LRRC8D: variants seen among roughly 807,000 people sequenced by gnomAD.
The protein encoded by LRRC8D is leucine rich repeat containing 8 VRAC subunit D.
A neutral mutation model predicts 55.8 loss-of-function variants in LRRC8D; 20 were observed. The ratio of observed to expected loss-of-function variants is 0.36; its 90% confidence interval spans 0.25 to 0.52. The LOEUF is 0.52. Among genes scored for constraint, LRRC8D ranks in the 20% least tolerant of loss-of-function variants. The probability of loss-of-function intolerance (pLI) is 0.93; values close to 1 mark genes in which losing one functional copy is unlikely to be tolerated. For synonymous variants in LRRC8D, 352 were observed against 377.0 expected, an observed-to-expected ratio of 0.93 and a Z score of 0.77; for missense variants, 651 against 1,030.8, an observed-to-expected ratio of 0.63 and a Z score of 5.05.
rs1280505903 is a variant in LRRC8D, at chr1:89,827,648, A to T, written c.-148+6357A>T. On this transcript the variant is annotated intron_variant, in intron 1 of 2. Coordinates refer to ENST00000337338, the MANE Select transcript of LRRC8D (RefSeq NM_001134479.2). ...CCTATGAAACCACAAGGATAGGGCC[A>T]TAGGCAGCCTTGATAGTTCACTTTA... is the stretch of plus-strand genomic sequence containing the variant. 2.0e-5 allele frequency among the ~76,000 whole-genome samples: 3 copies of T among 152,250 alleles called. No homozygotes were observed. The East Asian group carries it at 5.8e-4, about 29-fold the overall frequency.
intron 2 of LRRC8D, among the ~76,000 whole-genome samples, chr1:89,906,218 A>G (rs1662987658): frequency 1.3e-5 from 2 of 152,182 alleles, no homozygotes; most frequent in Admixed American, 1.3e-4. Flanking sequence ...GAGCGGAACA[A>G]TTCCTCTTTA....
intron 2 of LRRC8D, among the ~76,000 whole-genome samples, chr1:89,906,038 G>A (rs928232633): frequency 6.6e-6 from 1 of 152,160 alleles, no homozygotes; most frequent in African/African-American, 2.4e-5. Flanking sequence ...GTCCTTCTTC[G>A]CAGCTTTAGC....
intron 2 of LRRC8D, among the ~76,000 whole-genome samples, chr1:89,848,598 A>G (rs1195870495): frequency 1.3e-5 from 2 of 152,144 alleles, no homozygotes; most frequent in African/African-American, 2.4e-5. Context: ...CTTCCTATCT[A>G]TTGAACACCA....
chr1:89,932,950 A>T (rs1158651171), intron 2 of LRRC8D, 117 bp from the exon 3 acceptor site: 5 of 786,912 alleles, frequency 6.4e-6, no homozygotes, highest in Non-Finnish European at 1.0e-5. Flanking sequence ...TTTATATTGG[A>T]TAAAAAGATA....
chr1:89,859,268 T>G (rs1310145256), intron 2 of LRRC8D, among the ~76,000 whole-genome samples: 1 of 152,160 alleles, frequency 6.6e-6, no homozygotes, highest in African/African-American at 2.4e-5. Context: ...CTTTTTTTTT[T>G]TTTAAGCTCA....
At chr1:89,918,347 A>G (rs913360369) in intron 2 of LRRC8D, among the ~76,000 whole-genome samples, 1 of 152,248 alleles carries the variant, frequency 6.6e-6, no homozygotes, top group Non-Finnish European at 1.5e-5. Context: ...ACACTTGCAC[A>G]TGGTATTCTG....
chr1:89,835,024 C>A (rs1557442183), intron 1 of LRRC8D, among the ~76,000 whole-genome samples: 2 of 152,168 alleles, frequency 1.3e-5, no homozygotes, highest in Non-Finnish European at 2.9e-5. Flanking sequence ...AATAATTTTG[C>A]CTTGATCTCT....
At chr1:89,868,651 A>G (rs1486454717) in intron 2 of LRRC8D, among the ~76,000 whole-genome samples, 1 of 152,196 alleles carries the variant, frequency 6.6e-6, no homozygotes, top group Admixed American at 6.5e-5. Flanking sequence ...TGACATAGCA[A>G]CTCGATGAAG....
intron 1 of LRRC8D, among the ~76,000 whole-genome samples, chr1:89,828,744 A>AT (rs561419897): frequency 5.2e-4 from 77 of 149,312 alleles, no homozygotes; most frequent in South Asian, 1.7e-3. Context: ...CATTACAAGC[A>AT]TTTTTTTTTT....
chr1:89,897,869 C>T (rs1023629839), intron 2 of LRRC8D, among the ~76,000 whole-genome samples: 3 of 152,142 alleles, frequency 2.0e-5, no homozygotes, highest in East Asian at 1.9e-4. Flanking sequence ...GGTGGGCAGC[C>T]GAGGTGCAGT....
intron 1 of LRRC8D, among the ~76,000 whole-genome samples, chr1:89,835,771 C>T (rs757349747): frequency 2.6e-5 from 4 of 152,184 alleles, no homozygotes; most frequent in Non-Finnish European, 1.5e-5. Flanking sequence ...TAGAACAGTT[C>T]CTGGCACATA....
At chr1:89,854,376 G>T (rs977333749) in intron 2 of LRRC8D, among the ~76,000 whole-genome samples, 1 of 103,746 alleles carries the variant, frequency 9.6e-6, no homozygotes, top group Non-Finnish European at 2.3e-5. Flanking sequence ...AGGTGCTGAC[G>T]GAGGATTTTT....
chr1:89,829,898 CT>C (rs1660847947), intron 1 of LRRC8D, among the ~76,000 whole-genome samples: 2 of 152,224 alleles, frequency 1.3e-5, no homozygotes, highest in South Asian at 4.1e-4. Context: ...TAAAGTACAT[CT>C]TAAGCACCCT....
At chr1:89,926,963 T>C (rs1252117109) in intron 2 of LRRC8D, among the ~76,000 whole-genome samples, 2 of 152,220 alleles carry the variant, frequency 1.3e-5, no homozygotes, top group African/African-American at 2.4e-5. Context: ...TAGAGTAATG[T>C]TGTGAAGTTT....
intron 1 of LRRC8D, among the ~76,000 whole-genome samples, chr1:89,827,909 C>T (rs1238786762): frequency 6.6e-6 from 1 of 152,198 alleles, no homozygotes; most frequent in Non-Finnish European, 1.5e-5. Flanking sequence ...TGGTTTTTCT[C>T]AACCCTGGCT....
chr1:89,868,532 C>G (rs1463624515), intron 2 of LRRC8D, among the ~76,000 whole-genome samples: 1 of 151,864 alleles, frequency 6.6e-6, no homozygotes, highest in African/African-American at 2.4e-5. Context: ...TATTCCCCCA[C>G]CCCCCACCAA....
rs1440115109 is a variant in LRRC8D, at chr1:89,867,009, T to G, written c.-3+23227T>G. Reference sequence around the variant, plus strand: ...GTATTTGTGTATTTTTTTAACTGTTTTATTGAGATATAATTCATATACCAT... The same window carrying G: ...GTATTTGTGTATTTTTTTAACTGTTGTATTGAGATATAATTCATATACCAT... On this transcript the variant is annotated intron_variant, in intron 2 of 2. Coordinates refer to ENST00000337338, the MANE Select transcript of LRRC8D (RefSeq NM_001134479.2). Among the ~76,000 whole-genome samples the G allele has an allele frequency of 7.9e-5, 12 of 152,340 alleles. No individual in the cohort carries two copies. The East Asian group carries it at 1.3e-3, about 17-fold the overall frequency.
chr1:89,837,626 C>A (rs1661030913), intron 1 of LRRC8D, among the ~76,000 whole-genome samples: 1 of 152,178 alleles, frequency 6.6e-6, no homozygotes, highest in Non-Finnish European at 1.5e-5. Flanking sequence ...ATAACTCCTA[C>A]CTCATAGGGT....
chr1:89,887,056 G>T (rs1557468106), intron 2 of LRRC8D, among the ~76,000 whole-genome samples: 1 of 152,122 alleles, frequency 6.6e-6, no homozygotes, highest in African/African-American at 2.4e-5. Flanking sequence ...AAAAAAATGG[G>T]AGAAAAGTGT....
Sources: gnomAD v4.1 joint callset for allele counts (sites outside exome capture counted in the v4.1 genomes callset) on GRCh38, gnomAD v4.1.1 for gene constraint, MANE v1.5 for transcripts, NCBI Gene and HGNC (gene_info 2026-07-23, HGNC 2026-07-21) for gene names.